LMNTD1: variants seen among roughly 807,000 people sequenced by gnomAD.
The protein encoded by LMNTD1 is lamin tail domain containing 1.
Under a neutral mutation model 50.9 loss-of-function variants are expected in LMNTD1, and 35 were observed. The observed-to-expected ratio is 0.69, with a 90% CI of 0.53 to 0.91. The LOEUF is 0.91. LMNTD1 is among the 40% of genes least tolerant of loss of function. The probability of loss-of-function intolerance (pLI) is 0.00; values close to 1 mark genes in which losing one functional copy is unlikely to be tolerated. For missense variants in LMNTD1, 470 were observed against 475.5 expected, an observed-to-expected ratio of 0.99 and a Z score of 0.11; for synonymous variants, 153 against 161.9, an observed-to-expected ratio of 0.94 and a Z score of 0.42.
chr12:25,487,937 C>G (rs9738829), intron 9 of LMNTD1, among the ~76,000 whole-genome samples: 25,423 of 135,608 alleles, frequency 0.19, 2,161 homozygotes, highest in Non-Finnish European at 0.23. Context: ...AAATTCTTTT[C>G]TTTAAGAATG....
intron 1 of LMNTD1, among the ~76,000 whole-genome samples, chr12:25,599,486 A>G (rs12425998): frequency 0.12 from 17,675 of 152,034 alleles, 1,352 homozygotes; most frequent in South Asian, 0.25. Context: ...AAGGGTATCC[A>G]AATTTGAAAG....
intron 1 of LMNTD1, among the ~76,000 whole-genome samples, chr12:25,584,425 A>C (rs1382857): frequency 0.19 from 28,166 of 151,992 alleles, 3,190 homozygotes; most frequent in East Asian, 0.34. Flanking sequence ...ACATACCTTT[A>C]GTTTTTGGTC....
intron 1 of LMNTD1, among the ~76,000 whole-genome samples, chr12:25,634,180 A>G (rs1241398699): frequency 2.0e-5 from 3 of 152,192 alleles, no homozygotes; most frequent in African/African-American, 7.2e-5. Flanking sequence ...TGAGATTGAA[A>G]TGGTAATTAC....
At chr12:25,488,983 G>A (rs1389658922) in intron 9 of LMNTD1, among the ~76,000 whole-genome samples, 18 of 152,300 alleles carry the variant, frequency 1.2e-4, no homozygotes, top group African/African-American at 2.6e-4. Flanking sequence ...CAGTGTGCCC[G>A]TTCTCAGATC....
At chr12:25,609,487 A>T (rs1946195084) in intron 1 of LMNTD1, among the ~76,000 whole-genome samples, 1 of 151,992 alleles carries the variant, frequency 6.6e-6, no homozygotes, top group African/African-American at 2.4e-5. Context: ...GATGTTGGTG[A>T]CCTACAGATG....
At chr12:25,631,955 A>G (rs1311240916) in intron 1 of LMNTD1, among the ~76,000 whole-genome samples, 1 of 152,186 alleles carries the variant, frequency 6.6e-6, no homozygotes, top group East Asian at 1.9e-4. Flanking sequence ...TAAAGAAAAA[A>G]CAATAAAAAA....
chr12:25,648,524 T>C (rs1947122495), exon 1 of LMNTD1: 4 of 1,551,748 alleles, frequency 2.6e-6, no homozygotes, highest in Non-Finnish European at 3.5e-6. Flanking sequence ...GAAACACCGA[T>C]GTCTCCTGCT....
chr12:25,547,502 G>C (rs1227855839), intron 3 of LMNTD1, among the ~76,000 whole-genome samples: 2 of 151,384 alleles, frequency 1.3e-5, no homozygotes, highest in Non-Finnish European at 3.0e-5. Context: ...TGTGACTCTC[G>C]GTCCAAAATC....
chr12:25,527,675 T>TACACAC (rs1486579754), intron 4 of LMNTD1, among the ~76,000 whole-genome samples: 5 of 21,996 alleles, frequency 2.3e-4, no homozygotes, highest in Admixed American at 2.1e-3. Context: ...TATATATATA[T>TACACAC]ATATATACAC....
intron 9 of LMNTD1, among the ~76,000 whole-genome samples, chr12:25,495,258 G>GTGTGTGTA (rs1555208231): frequency 6.6e-6 from 1 of 151,228 alleles, no homozygotes; most frequent in African/African-American, 2.4e-5. Context: ...ACGTGTGTGT[G>GTGTGTGTA]TGTGTGTGTG....
At position 25,526,895 on chromosome 12, in the gene LMNTD1, A is replaced by G. The variant is rs1484806959; in HGVS notation, c.552T>C (p.Ile184=). 6.2e-7 allele frequency: 1 copy of G among 1,613,032 alleles called. No homozygotes were observed. ...VNVKGLFVKL[I]NSSLDKEMAI... is the part of the protein sequence containing the mutation. ...CCATTTCTTTGTCAAGGGAAGAGTT[A>G]ATGAGCTTCACGAACAAACCCTTGA... The change falls in exon 5 of 10, where the codon ATT becomes ATC. Residue 184 remains isoleucine (I), a synonymous_variant. Coordinates refer to ENST00000458174, the MANE Select transcript of LMNTD1 (RefSeq NM_001145728.2).
At chr12:25,615,193 G>T (rs1288245963) in intron 1 of LMNTD1, among the ~76,000 whole-genome samples, 7 of 152,118 alleles carry the variant, frequency 4.6e-5, no homozygotes, top group Non-Finnish European at 8.8e-5. Context: ...TGAGAGATGG[G>T]GATGGGTGAA....
At chr12:25,493,607 C>G (rs1938962109) in intron 9 of LMNTD1, among the ~76,000 whole-genome samples, 1 of 152,172 alleles carries the variant, frequency 6.6e-6, no homozygotes, top group South Asian at 2.1e-4. Flanking sequence ...TTGGGGTGGA[C>G]TTGGAATATA....
rs907008976 is a variant in LMNTD1 at position 25,563,612 on chromosome 12, A to C, written c.59-17058T>G. On this transcript the variant is annotated intron_variant, in intron 1 of 7. Transcript: ENST00000445693. The stretch of plus-strand genomic sequence containing the variant: ...GGGTCAGGGACCCACTTGAGGAGGG[A>C]GTCTGTCCGTTCTCAGATCTCAAAC... Among the ~76,000 whole-genome samples, 23 of 152,252 alleles carry C rather than the reference A, an allele frequency of 1.5e-4. No individual in the cohort carries two copies. The East Asian group carries it at 1.5e-3, about 10-fold the overall frequency.
rs1436282155 is a variant in LMNTD1 at position 25,553,074 on chromosome 12, A to G, written c.-36T>C. On this transcript the variant is annotated 5_prime_UTR_variant, in exon 1 of 10. Coordinates refer to ENST00000458174, the MANE Select transcript of LMNTD1 (RefSeq NM_001145728.2). ...TCTTTTCAAAGTGACCTCACCTGTTAATCCAACTACCTTCAAGCATCAGCT... is the reference window on the plus strand; with the variant it reads ...TCTTTTCAAAGTGACCTCACCTGTTGATCCAACTACCTTCAAGCATCAGCT... 6.2e-7 allele frequency: 1 copy of G among 1,613,188 alleles called. No individual in the cohort carries two copies. Among genetic ancestry groups the G allele is most frequent in the East Asian group, 2.2e-5 (1 of 44,872 alleles).
At chr12:25,492,334 A>G (rs904250988) in intron 9 of LMNTD1, among the ~76,000 whole-genome samples, 1 of 152,226 alleles carries the variant, frequency 6.6e-6, no homozygotes, top group African/African-American at 2.4e-5. Flanking sequence ...GCACATGTCA[A>G]TTTCCCTATA....
chr12:25,507,376 T>C (rs1424812952), intron 8 of LMNTD1, among the ~76,000 whole-genome samples: 3 of 152,262 alleles, frequency 2.0e-5, no homozygotes, highest in Non-Finnish European at 2.9e-5. Flanking sequence ...GATTTTTGTT[T>C]TCTTTTTAAC....
upstream of LMNTD1, among the ~76,000 whole-genome samples, chr12:25,555,254 A>AAATTACATC (rs1369564924): frequency 6.6e-6 from 1 of 152,106 alleles, no homozygotes; most frequent in African/African-American, 2.4e-5. Context: ...AGTTTGGAAA[A>AAATTACATC]AATTACATCA....
intron 1 of LMNTD1, among the ~76,000 whole-genome samples, chr12:25,570,221 G>A (rs1023041192): frequency 6.6e-6 from 1 of 152,126 alleles, no homozygotes; most frequent in African/African-American, 2.4e-5. Context: ...TTATTATTTA[G>A]ATGAAACTAT....
Sources: gnomAD v4.1 joint callset for allele counts (sites outside exome capture counted in the v4.1 genomes callset) on GRCh38, gnomAD v4.1.1 for gene constraint, MANE v1.5 for transcripts, NCBI Gene and HGNC (gene_info 2026-07-23, HGNC 2026-07-21) for gene names.